ARHGEF4: variants seen among roughly 807,000 people sequenced by gnomAD.
ARHGEF4 encodes Rho guanine nucleotide exchange factor 4.
A neutral mutation model predicts 162.0 loss-of-function variants in ARHGEF4; 119 were observed. The observed-to-expected ratio is 0.73, with a 90% confidence interval of 0.63 to 0.86. The LOEUF is 0.86. Among genes scored for constraint, ARHGEF4 ranks in the 40% least tolerant of loss-of-function variants. ARHGEF4 has a pLI of 0.00. For synonymous variants in ARHGEF4, 1,014 were observed against 979.9 expected, an observed-to-expected ratio of 1.03 and a Z score of -0.65; for missense variants, 2,488 against 2,456.0, an observed-to-expected ratio of 1.01 and a Z score of -0.28.
At chr2:130,946,809 A>C in intron 4 of ARHGEF4, 174 bp downstream of exon 4, 1 of 853,186 alleles carries the variant, frequency 1.2e-6, no homozygotes, top group Non-Finnish European at 1.7e-6. Context: ...TACCCAAAGA[A>C]AGGGAATTAT....
chr2:131,023,076 A>C (rs1280227205), intron 4 of ARHGEF4, among the ~76,000 whole-genome samples: 16 of 136,142 alleles, frequency 1.2e-4, no homozygotes, highest in African/African-American at 2.6e-4. Context: ...CCCTGTCTCA[A>C]AAAAAAAAAA....
At chr2:130,991,555 G>A (rs750573210) in intron 4 of ARHGEF4, among the ~76,000 whole-genome samples, 1 of 152,226 alleles carries the variant, frequency 6.6e-6, no homozygotes, top group Non-Finnish European at 1.5e-5. Context: ...GGCCGGCCCT[G>A]CCGGCCCCGG....
rs577195275 is a variant in ARHGEF4, at chr2:130,979,928, T to C, written c.3985+33293T>C. Among the ~76,000 whole-genome samples, 6 of 152,220 alleles carry C rather than the reference T, an allele frequency of 3.9e-5. No individual in the cohort carries two copies. The South Asian group carries it at 1.2e-3, about 32-fold the overall frequency. On this transcript the variant is annotated intron_variant, in intron 4 of 13. Transcript: ENST00000409359. ...GGAAACTTTCTCAAACAATAAGACC[T>C]AATACTTAACTATCATTCTCTCTAA...
At chr2:130,973,947 T>C (rs1022810622) in intron 4 of ARHGEF4, among the ~76,000 whole-genome samples, 3 of 152,126 alleles carry the variant, frequency 2.0e-5, no homozygotes, top group African/African-American at 7.2e-5. Context: ...TTGTCTGTTA[T>C]CAGAAGTCAT....
chr2:130,876,435 A>T (rs1678849213), intron 1 of ARHGEF4, among the ~76,000 whole-genome samples: 1 of 152,182 alleles, frequency 6.6e-6, no homozygotes, highest in African/African-American at 2.4e-5. Context: ...TCTGTCACCC[A>T]GGCTGGAGTG....
chr2:130,905,522 A>C (rs1051635489), intron 1 of ARHGEF4, among the ~76,000 whole-genome samples: 1 of 152,036 alleles, frequency 6.6e-6, no homozygotes, highest in South Asian at 2.1e-4. Flanking sequence ...GTTTTTCAGT[A>C]TTTTATTAAC....
intron 12 of ARHGEF4, among the ~76,000 whole-genome samples, 189 bp downstream of exon 12, chr2:131,044,731 A>C (rs1215842582): frequency 6.6e-6 from 1 of 152,248 alleles, no homozygotes; most frequent in Non-Finnish European, 1.5e-5. Context: ...TGGCAGGGTT[A>C]CCTGACCGCA....
At chr2:130,918,901 T>A (rs1681698073) in intron 2 of ARHGEF4, among the ~76,000 whole-genome samples, 1 of 152,092 alleles carries the variant, frequency 6.6e-6, no homozygotes, top group Non-Finnish European at 1.5e-5. Flanking sequence ...ACAATACAGA[T>A]GTAGAAAGGA....
intron 1 of ARHGEF4, among the ~76,000 whole-genome samples, chr2:130,878,072 A>G (rs16856237): frequency 0.017 from 2,529 of 152,310 alleles, 60 homozygotes; most frequent in African/African-American, 0.057. Flanking sequence ...TTGGATTGTC[A>G]GAGACTCAGA....
At chr2:130,893,460 C>T (rs574018525) in intron 1 of ARHGEF4, among the ~76,000 whole-genome samples, 7 of 152,306 alleles carry the variant, frequency 4.6e-5, no homozygotes, top group Non-Finnish European at 1.0e-4. Context: ...TGAGTAAATG[C>T]CACCTGACTG....
chr2:131,012,229 G>A, intron 4 of ARHGEF4, among the ~76,000 whole-genome samples: 1 of 152,064 alleles, frequency 6.6e-6, no homozygotes, highest in Non-Finnish European at 1.5e-5. Flanking sequence ...GGTGTGGAGA[G>A]GGTTGGGCAT....
At chr2:130,907,012 T>C (rs944235462) in intron 1 of ARHGEF4, among the ~76,000 whole-genome samples, 1 of 152,258 alleles carries the variant, frequency 6.6e-6, no homozygotes, top group South Asian at 2.1e-4. Context: ...TGCCCTTTAG[T>C]AGTAAAATCA....
intron 4 of ARHGEF4, among the ~76,000 whole-genome samples, chr2:130,968,925 A>T (rs11687691): frequency 0.086 from 13,103 of 152,154 alleles, 618 homozygotes; most frequent in Non-Finnish European, 0.11. Flanking sequence ...CTCAAAAAAT[A>T]AAATTAAATT....
chr2:131,031,307 A>G (rs746241288), intron 5 of ARHGEF4, among the ~76,000 whole-genome samples: 3 of 152,196 alleles, frequency 2.0e-5, no homozygotes, highest in Admixed American at 2.0e-4. Context: ...TGGCCTGGAG[A>G]GCGGCCCACT....
In ARHGEF4 at chr2:130,964,626, A is replaced by C. The variant is rs377295355; in HGVS notation, c.3985+17991A>C. Among the ~76,000 whole-genome samples the C allele has an allele frequency of 2.2e-3, 341 of 152,252 alleles. 2 individuals carry two copies. Among genetic ancestry groups the C allele is most frequent in the African/African-American group, 7.8e-3 (322 of 41,532 alleles). ...TGACCAGTTGCACCTGTCTGGCTTT[A>C]CCTACCGCAGCTGCTTAGCCTCTGT... On this transcript the variant is annotated intron_variant, in intron 4 of 13. Coordinates refer to ENST00000409359, the MANE Select transcript of ARHGEF4 (RefSeq NM_001367493.1).
intron 4 of ARHGEF4, among the ~76,000 whole-genome samples, chr2:130,952,923 A>G (rs1354276307): frequency 1.3e-5 from 2 of 152,234 alleles, no homozygotes; most frequent in African/African-American, 4.8e-5. Context: ...AACAAATGGA[A>G]GAACATTCCA....
At chr2:130,982,620 CTTTT>C (rs1459806392) in intron 4 of ARHGEF4, among the ~76,000 whole-genome samples, 1 of 29,806 alleles carries the variant, frequency 3.4e-5, no homozygotes, top group Middle Eastern at 0.042. Flanking sequence ...CTCCTTTCTT[CTTTT>C]CTTTCTTACC....
At chr2:130,846,634 C>T (rs568196386) in intron 1 of ARHGEF4, among the ~76,000 whole-genome samples, 1 of 152,218 alleles carries the variant, frequency 6.6e-6, no homozygotes, top group Non-Finnish European at 1.5e-5. Flanking sequence ...CTGGACTTTG[C>T]TTGGATGGAT....
At chr2:130,907,388 T>C (rs574654120) in intron 1 of ARHGEF4, among the ~76,000 whole-genome samples, 1 of 151,524 alleles carries the variant, frequency 6.6e-6, no homozygotes, top group South Asian at 2.1e-4. Flanking sequence ...CTAATATTTT[T>C]TTGTATTTTT....
Sources: gnomAD v4.1 joint callset for allele counts (sites outside exome capture counted in the v4.1 genomes callset) on GRCh38, gnomAD v4.1.1 for gene constraint, MANE v1.5 for transcripts, NCBI Gene and HGNC (gene_info 2026-07-23, HGNC 2026-07-21) for gene names.